The following TRIM28 variants were observed in gnomAD, a reference collection of about 807,000 sequenced individuals.
TRIM28 encodes the protein transcription intermediary factor 1-beta.
Under a neutral mutation model 87.4 loss-of-function variants are expected in TRIM28, and 8 were observed. That is an observed-to-expected ratio of 0.09 (90% CI 0.05 to 0.17). The LOEUF is 0.17. Ranked by LOEUF, TRIM28 falls within the 10% of genes least tolerant of loss-of-function variation. TRIM28 has a pLI of 1.00. For synonymous variants in TRIM28, 601 were observed against 454.3 expected, an observed-to-expected ratio of 1.32 and a Z score of -4.11; for missense variants, 968 against 1,131.8, an observed-to-expected ratio of 0.86 and a Z score of 2.08.
Position 58,545,549 on chromosome 19 carries a change from C to T in TRIM28, c.453+12C>T, listed in dbSNP as rs78438673. 7.2e-4 allele frequency: 1,154 copies of T among 1,598,674 alleles called. 4 individuals carry two copies. The African/African-American group carries it at 0.011, about 15-fold the overall frequency. Reference sequence around the variant, plus strand: ...AGGATGCGAACCAGGTGCGTCCTATCTCAGCAACCACAAGGAGGTTTCTGG... The same window carrying T: ...AGGATGCGAACCAGGTGCGTCCTATTTCAGCAACCACAAGGAGGTTTCTGG... On this transcript the variant is annotated intron_variant, in intron 2 of 16. Coordinates refer to ENST00000253024, the MANE Select transcript of TRIM28 (RefSeq NM_005762.3).
chr19:58,545,142 C>T (rs1292897730), intron 1 of TRIM28, 45 bp downstream of exon 1: 2 of 1,374,278 alleles, frequency 1.5e-6, no homozygotes, highest in Non-Finnish European at 1.9e-6. Context: ...TACTCTCTGC[C>T]TTTGATTCCG....
intron 10 of TRIM28, 22 bp downstream of exon 10, chr19:58,548,798 G>A: frequency 6.2e-7 from 1 of 1,614,106 alleles, no homozygotes; most frequent in Non-Finnish European, 8.5e-7. Flanking sequence ...TGCCTAGTGG[G>A]TGGGGAAGGG....
Position 58,550,167 on chromosome 19 carries a change from G to C in TRIM28, c.2214G>C (p.Leu738=). 6.2e-7 allele frequency: 1 copy of C among 1,613,950 alleles called. No individual in the cohort carries two copies. Among genetic ancestry groups the C allele is most frequent in the Non-Finnish European group, 8.5e-7 (1 of 1,179,974 alleles). ...TGCAGGACCAGCCCGGTGGCACCCT[G>C]GATCTGACCCTGATCCGTGCCCGCC... ...TFSLDQPGGT[L]DLTLIRARLQ... Residue 738 remains leucine, a synonymous_variant, in exon 16 of 17, where the codon CTG becomes CTC. Transcript: ENST00000253024.
At position 58,545,415 on chromosome 19, in the gene TRIM28, C is replaced by A; in HGVS notation, c.341-10C>A. ...CTTGTAACAGTCTCCCACATCCCTGCTTCTCGAAGTGGTGGACTGTCCCGT... is the reference window on the plus strand; with the variant it reads ...CTTGTAACAGTCTCCCACATCCCTGATTCTCGAAGTGGTGGACTGTCCCGT... On this transcript the variant is annotated splice_polypyrimidine_tract_variant and intron_variant, in intron 1 of 16. Transcript: ENST00000253024. 6.3e-7 allele frequency: 1 copy of A among 1,599,922 alleles called. No individual in the cohort carries two copies. The highest frequency in any genetic ancestry group is 8.6e-7 in the Non-Finnish European group (1 of 1,169,124).
At chr19:58,545,602 T>G in intron 2 of TRIM28, 65 bp downstream of exon 2, 2 of 1,488,366 alleles carry the variant, frequency 1.3e-6, no homozygotes, top group Non-Finnish European at 1.9e-6. Context: ...AGGAGGAGCT[T>G]GGCACCAGCT....
intron 7 of TRIM28, 54 bp downstream of exon 7, chr19:58,548,234 C>A (rs1271014650): frequency 2.5e-6 from 4 of 1,613,614 alleles, no homozygotes; most frequent in Admixed American, 3.3e-5. Context: ...GTTCCCAATA[C>A]CTCAAATCCC....
chr19:58,545,328 C>G (rs1019661276), intron 1 of TRIM28, 97 bp from the exon 2 acceptor site: 1 of 1,054,920 alleles, frequency 9.5e-7, no homozygotes, highest in African/African-American at 1.6e-5. Context: ...TGGTTCGCTG[C>G]GGGATAATGG....
chr19:58,547,145 C>G, intron 3 of TRIM28: 2 of 547,240 alleles, frequency 3.7e-6, no homozygotes, highest in Non-Finnish European at 6.5e-6. Flanking sequence ...GTTGTTATCT[C>G]TAGAAGCTAG....
At chr19:58,546,014 G>T in intron 3 of TRIM28, 118 bp downstream of exon 3, 1 of 1,314,524 alleles carries the variant, frequency 7.6e-7, no homozygotes, top group South Asian at 1.7e-5. Flanking sequence ...GGTGCCGCCC[G>T]AAGGGCCCGA....
rs1454246707 is a variant in TRIM28 at position 58,549,639 on chromosome 19, G to A, written c.1971G>A (p.Gln657=). The part of the protein sequence containing the change: ...FHLDCHLPAL[Q]DVPGEEWSCS... ...TGGACTGTCACCTGCCGGCCCTGCA[G>A]GATGTACCAGGGTGAGTGTGAGGCT... The change falls in exon 13 of 17, where the codon CAG becomes CAA. Residue 657 remains glutamine, a synonymous_variant. Coordinates refer to ENST00000253024, the MANE Select transcript of TRIM28 (RefSeq NM_005762.3). This position sits in a 1 kb window ranked among gnomAD's most constrained non-coding sequence, Gnocchi z 4.4. The A allele has an allele frequency of 1.2e-6, 2 of 1,611,930 alleles. No homozygotes were observed. The highest frequency in any genetic ancestry group is 2.7e-5 in the African/African-American group (2 of 74,890).
At chr19:58,546,315 A>G (rs553995351) in intron 3 of TRIM28, among the ~76,000 whole-genome samples, 14 of 152,240 alleles carry the variant, frequency 9.2e-5, no homozygotes, top group Admixed American at 3.3e-4. Context: ...ATTATAAGTG[A>G]TGATGATTTT....
chr19:58,545,041 C>A lies in TRIM28; in HGVS notation c.284C>A (p.Ala95Glu). 1 of 1,462,366 alleles carries A rather than the reference C, an allele frequency of 6.8e-7. No homozygotes were observed. The highest frequency in any genetic ancestry group is 1.4e-5 in the South Asian group (1 of 73,460). The allele number at this position is 1,462,366 out of a possible 1,614,324, so 90.6% of individuals were successfully genotyped here. Residue 95 changes from alanine to glutamate, a missense_variant, in exon 1 of 17, where the codon GCG becomes GAG. Ala to Glu is a moderately radical substitution (Grantham distance 107, BLOSUM62 -1). This residue lies in a region of TRIM28 where 208 missense variants were observed against 170.9 expected (regional missense o/e 1.22). Coordinates refer to ENST00000253024, the MANE Select transcript of TRIM28 (RefSeq NM_005762.3). The part of the protein sequence containing the change: ...HSACSACLGP[A>E]APAAANSSGD... ...GCCTGTAGTGCCTGCTTAGGGCCCG[C>A]GGCCCCCGCCGCCGCCAACAGCTCG... is the stretch of plus-strand genomic sequence containing the variant.
rs894091688 is a variant in TRIM28, at chr19:58,550,561, G to C, written c.*8G>C. The C allele has an allele frequency of 6.2e-6, 10 of 1,601,092 alleles. No homozygotes were observed. Among genetic ancestry groups the C allele is most frequent in the African/African-American group, 1.3e-5 (1 of 74,722 alleles). On this transcript the variant is annotated 3_prime_UTR_variant, in exon 17 of 17. Coordinates refer to ENST00000253024, the MANE Select transcript of TRIM28 (RefSeq NM_005762.3). ...CCTGGTGATGGCCCCTGAGGCTGGA[G>C]CCCCCATGGCCAGCCCAGCCTGGCT...
intron 3 of TRIM28, among the ~76,000 whole-genome samples, chr19:58,546,516 A>G (rs934631067): frequency 6.6e-6 from 1 of 152,152 alleles, no homozygotes; most frequent in African/African-American, 2.4e-5. Context: ...TTCCCATCCC[A>G]GAGGACAGCA....
rs1477407123 is a variant in TRIM28 at position 58,544,829 on chromosome 19, G to A, written c.72G>A (p.Glu24=). Residue 24 remains glutamate, a synonymous_variant, in exon 1 of 17, where the codon GAG becomes GAA. Transcript: ENST00000253024. The part of the protein sequence containing the change: ...SAASGSPGPG[E]GSAGGEKRST... Reference sequence around the variant, plus strand: ...CCTCTGGCAGCCCGGGCCCGGGCGAGGGCTCCGCTGGCGGCGAAAAGCGCT... The same window carrying A: ...CCTCTGGCAGCCCGGGCCCGGGCGAAGGCTCCGCTGGCGGCGAAAAGCGCT... The A allele has an allele frequency of 1.6e-5, 20 of 1,273,126 alleles. No individual in the cohort carries two copies. The highest frequency in any genetic ancestry group is 1.9e-5 in the Non-Finnish European group (19 of 1,009,882). 78.9% of individuals were successfully genotyped at this position (1,273,126 alleles called of 1,614,324 possible). A position where few individuals can be genotyped will look rare whatever the true frequency, so the allele number is the denominator to read the frequency against.
At chr19:58,545,953 CT>C (rs1475572279) in intron 3 of TRIM28, 57 bp downstream of exon 3, 21 of 1,545,594 alleles carry the variant, frequency 1.4e-5, no homozygotes, top group Non-Finnish European at 2.6e-6. Flanking sequence ...CCCTCAGTTG[CT>C]TTTATGATGT....
chr19:58,547,537 G>A, intron 4 of TRIM28, 26 bp downstream of exon 4: 4 of 1,613,604 alleles, frequency 2.5e-6, no homozygotes, highest in Non-Finnish European at 3.4e-6. Flanking sequence ...TAGTGGTTGG[G>A]TGGGTGGGTG....
chr19:58,544,277 A>T lies in TRIM28; in HGVS notation c.-481A>T, dbSNP rs932159204. ...GTCACAGAGGCCCCGCCCCGCCCCC[A>T]CAAGAGCCCCACCGACGTGGGGTTG... On this transcript the variant is annotated 5_prime_UTR_variant, in exon 1 of 17. Coordinates refer to ENST00000253024, the MANE Select transcript of TRIM28 (RefSeq NM_005762.3). 6.6e-6 allele frequency: 1 copy of T among 151,740 alleles called. No homozygotes were observed. Among genetic ancestry groups the T allele is most frequent in the African/African-American group, 2.4e-5 (1 of 40,942 alleles). The allele number at this position is 151,740 out of a possible 1,614,324, so 9.4% of individuals were successfully genotyped here. A position where few individuals can be genotyped will look rare whatever the true frequency, so the allele number is the denominator to read the frequency against.
Position 58,544,734 on chromosome 19 carries a change from C to G in TRIM28, c.-24C>G. The G allele has an allele frequency of 2.9e-6, 3 of 1,048,210 alleles. No individual in the cohort carries two copies. Among genetic ancestry groups the G allele is most frequent in the Non-Finnish European group, 3.4e-6 (3 of 870,796 alleles). The allele number at this position is 1,048,210 out of a possible 1,614,324, so 64.9% of individuals were successfully genotyped here. ...CGGGCCCCGCGCCCCTCCTCCCCCC[C>G]TGGGCGCCCCCGGCGGCGTGTGAAT... On this transcript the variant is annotated 5_prime_UTR_variant, in exon 1 of 17. Transcript: ENST00000253024.
Sources: allele counts gnomAD v4.1 joint callset (sites outside exome capture counted in the v4.1 genomes callset), GRCh38; gene constraint gnomAD v4.1.1; regional missense constraint gnomAD v4.1.1; non-coding constraint Gnocchi (gnomAD v3.1); transcripts MANE v1.5; gene names NCBI Gene and HGNC (gene_info 2026-07-23, HGNC 2026-07-21).